Variants in MGMT observed in about 807,000 individuals in gnomAD.
MGMT encodes methylated-DNA--protein-cysteine methyltransferase.
In MGMT, 14 loss-of-function variants were observed where a neutral mutation model predicts 15.9. The ratio of observed to expected loss-of-function variants is 0.88; its 90% CI spans 0.58 to 1.37. The LOEUF (loss-of-function observed/expected upper bound fraction) is 1.37. MGMT is among the 40% of genes most tolerant of loss of function. The pLI is 0.00. For synonymous variants in MGMT, 130 were observed against 118.2 expected (o/e 1.10, Z -0.65); for missense variants, 282 against 268.1 (o/e 1.05, Z -0.36).
At chr10:129,538,767 C>G (rs1382337009) in intron 2 of MGMT, among the ~76,000 whole-genome samples, 1 of 152,112 alleles carries the variant, frequency 6.6e-6, no homozygotes. Flanking sequence ...TCTGGAGTAG[C>G]TGGGATTACA....
At position 129,468,041 on chromosome 10, in the gene MGMT, T is replaced by C. The variant is rs571602317; in HGVS notation, c.-13+745T>C. Among the ~76,000 whole-genome samples, 8 of 152,180 alleles carry C rather than the reference T, an allele frequency of 5.3e-5. 1 individual carries two copies. Among genetic ancestry groups the C allele is most frequent in the Admixed American group, 5.2e-4 (8 of 15,300 alleles). The stretch of plus-strand genomic sequence containing the variant: ...CAACCTATGCCTGCTGAGATCATCA[T>C]CAGACAGGGAAGCGGCTTGGTCCAG... On this transcript the variant is annotated intron_variant, in intron 1 of 4. Transcript: ENST00000651593.
At chr10:129,759,484 A>G in intron 4 of MGMT, 143 bp downstream of exon 4, 2 of 1,270,046 alleles carry the variant, frequency 1.6e-6, no homozygotes, top group Non-Finnish European at 2.2e-6. Flanking sequence ...GGGGACCATT[A>G]TGCCAGATGC....
intron 2 of MGMT, among the ~76,000 whole-genome samples, chr10:129,569,954 C>T (rs6482742): frequency 0.028 from 4,279 of 152,296 alleles, 82 homozygotes; most frequent in Middle Eastern, 0.048. Flanking sequence ...TTTCTTTGCC[C>T]GCCTGAACAT....
At chr10:129,697,586 T>A (rs1318158253) in intron 2 of MGMT, among the ~76,000 whole-genome samples, 1 of 152,236 alleles carries the variant, frequency 6.6e-6, no homozygotes, top group African/African-American at 2.4e-5. Context: ...TGGCACATGT[T>A]AGGCACTCAG....
rs1353851912 is a variant in MGMT, at chr10:129,755,529, G to T, written c.275-3673G>T. Among the ~76,000 whole-genome samples, 3 of 152,224 alleles carry T rather than the reference G, an allele frequency of 2.0e-5. 1 individual carries two copies. Among genetic ancestry groups the T allele is most frequent in the Non-Finnish European group, 2.9e-5 (2 of 68,048 alleles). On this transcript the variant is annotated intron_variant, in intron 3 of 4. Coordinates refer to ENST00000651593, the MANE Select transcript of MGMT (RefSeq NM_002412.5). ...AGCCTGGCTAAGGAAAAGTCCCAAA[G>T]CCTGGGCTGCTGAAGGATGCCCCTT...
At chr10:129,590,814 C>T (rs117104181) in intron 2 of MGMT, among the ~76,000 whole-genome samples, 340 of 152,252 alleles carry the variant, frequency 2.2e-3, no homozygotes, top group Non-Finnish European at 3.9e-3. Flanking sequence ...ATTTTATTAC[C>T]GAGGGGGACC....
intron 2 of MGMT, among the ~76,000 whole-genome samples, chr10:129,646,942 G>T (rs1251437967): frequency 6.6e-6 from 1 of 151,206 alleles, no homozygotes; most frequent in African/African-American, 2.4e-5. Context: ...TTCCCCTCTG[G>T]CCCGTCTCGC....
intron 1 of MGMT, among the ~76,000 whole-genome samples, chr10:129,473,064 G>A (rs546996632): frequency 6.6e-5 from 10 of 152,296 alleles, no homozygotes; most frequent in African/African-American, 2.4e-4. Context: ...CTGATAGCCC[G>A]AGACACTGGG....
intron 2 of MGMT, among the ~76,000 whole-genome samples, chr10:129,607,632 A>T (rs1269226048): frequency 6.6e-6 from 1 of 152,154 alleles, no homozygotes; most frequent in Admixed American, 6.5e-5. Flanking sequence ...TATATTACAA[A>T]TTGCTGGAAT....
intron 3 of MGMT, among the ~76,000 whole-genome samples, chr10:129,742,848 G>A (rs116485652): frequency 0.013 from 1,495 of 112,272 alleles, 23 homozygotes; most frequent in African/African-American, 0.046. Context: ...CAGCAGTGCC[G>A]CACGACTGCA....
intron 3 of MGMT, among the ~76,000 whole-genome samples, chr10:129,755,647 C>T (rs1347791026): frequency 1.3e-5 from 2 of 152,254 alleles, no homozygotes; most frequent in African/African-American, 4.8e-5. Flanking sequence ...AACTTGGAAG[C>T]ACAATGGCCT....
At chr10:129,739,059 G>A (rs986081780) in intron 3 of MGMT, among the ~76,000 whole-genome samples, 4 of 152,172 alleles carry the variant, frequency 2.6e-5, no homozygotes, top group Non-Finnish European at 5.9e-5. Flanking sequence ...AAAACCATAT[G>A]ATTATCTCAA....
At chr10:129,612,096 C>T (rs1846967856) in intron 2 of MGMT, among the ~76,000 whole-genome samples, 1 of 152,050 alleles carries the variant, frequency 6.6e-6, no homozygotes, top group African/African-American at 2.4e-5. Flanking sequence ...AGGCGGGACA[C>T]CTTGAAGTCC....
intron 4 of MGMT, among the ~76,000 whole-genome samples, chr10:129,763,497 C>T (rs752911994): frequency 3.9e-5 from 6 of 152,162 alleles, no homozygotes; most frequent in Non-Finnish European, 7.3e-5. Context: ...TGCCATCTGT[C>T]CTGGCCTCTG....
intron 1 of MGMT, among the ~76,000 whole-genome samples, chr10:129,520,938 G>A (rs1845801587): frequency 2.0e-5 from 3 of 147,540 alleles, no homozygotes; most frequent in African/African-American, 7.5e-5. Context: ...CGGGTACACA[G>A]CCCCTAAGGT....
intron 2 of MGMT, among the ~76,000 whole-genome samples, chr10:129,704,735 A>G (rs1260491862): frequency 6.6e-6 from 1 of 152,012 alleles, no homozygotes; most frequent in Non-Finnish European, 1.5e-5. Context: ...TCCACCGTGA[A>G]AAACAGTGTA....
chr10:129,506,246 G>C (rs561458991), intron 1 of MGMT, among the ~76,000 whole-genome samples: 1 of 152,198 alleles, frequency 6.6e-6, no homozygotes, highest in Non-Finnish European at 1.5e-5. Flanking sequence ...TCGTGGTTGA[G>C]ACAGTTCATT....
chr10:129,637,325 C>T (rs994952811), intron 2 of MGMT, among the ~76,000 whole-genome samples: 1 of 151,216 alleles, frequency 6.6e-6, no homozygotes, highest in African/African-American at 2.4e-5. Context: ...AAAGCCAAGG[C>T]CCTCTTGTGC....
chr10:129,683,955 C>G (rs1475164228), intron 2 of MGMT, among the ~76,000 whole-genome samples: 1 of 152,206 alleles, frequency 6.6e-6, no homozygotes, highest in Non-Finnish European at 1.5e-5. Flanking sequence ...CAGCCCCCAT[C>G]ATCACAAAAG....
Sources: allele counts gnomAD v4.1 joint callset (sites outside exome capture counted in the v4.1 genomes callset), GRCh38; gene constraint gnomAD v4.1.1; transcripts MANE v1.5; gene names NCBI Gene and HGNC (gene_info 2026-07-23, HGNC 2026-07-21).